The following ARMC2 variants were observed in gnomAD, a reference collection of about 807,000 sequenced individuals.
ARMC2 encodes armadillo repeat-containing protein 2.
Under a neutral mutation model 90.3 loss-of-function variants are expected in ARMC2, and 67 were observed. That is an observed-to-expected ratio of 0.74 (90% CI 0.61 to 0.91). ARMC2 has a LOEUF of 0.91. ARMC2 is among the 40% of genes least tolerant of loss of function. The pLI is 0.00. For missense variants in ARMC2, 920 were observed against 1,030.9 expected (o/e 0.89, Z 1.47); for synonymous variants, 393 against 393.0 (o/e 1.00, Z 0.00).
the ARMC2 span, among the ~76,000 whole-genome samples, chr6:109,014,006 C>CT: frequency 6.5e-3 from 932 of 143,388 alleles, 24 homozygotes; most frequent in East Asian, 0.097. Context: ...TTGCTCTATA[C>CT]TTTTTTTTTT....
rs533848489 is a variant in ARMC2 at position 108,889,763 on chromosome 6, AAGG to A, written c.672-4703_672-4701del. On this transcript the variant is annotated intron_variant, in intron 5 of 17. Transcript: ENST00000392644. ...CATGCCGGCCAACTTTTATTCTTTT[AAGG>A]CCCATTTTGTAGTCCACTTCTCCCA... Among the ~76,000 whole-genome samples, 145 of 151,658 alleles carry A rather than the reference AAGG, an allele frequency of 9.6e-4. 2 individuals carry two copies. The highest frequency in any genetic ancestry group is 3.3e-3 in the African/African-American group (137 of 41,200).
intron 8 of ARMC2, among the ~76,000 whole-genome samples, chr6:108,904,919 T>C (rs969034021): frequency 6.6e-6 from 1 of 152,092 alleles, no homozygotes; most frequent in Admixed American, 6.6e-5. Flanking sequence ...GGAAGGTACC[T>C]CAGTGGTCAT....
chr6:108,986,523 G>GTACT, the ARMC2 span: 4 of 152,754 alleles, frequency 2.6e-5, no homozygotes, highest in African/African-American at 9.6e-5. Flanking sequence ...AGAATACAAA[G>GTACT]TACTTAATAC....
At chr6:108,918,163 A>G (rs988583993) in intron 10 of ARMC2, among the ~76,000 whole-genome samples, 1 of 152,174 alleles carries the variant, frequency 6.6e-6, no homozygotes, top group Non-Finnish European at 1.5e-5. Flanking sequence ...GTAGAGAAAG[A>G]GCAGAGGGAC....
intron 7 of ARMC2, among the ~76,000 whole-genome samples, chr6:108,903,196 A>G (rs1031520285): frequency 6.6e-6 from 1 of 152,114 alleles, no homozygotes; most frequent in Non-Finnish European, 1.5e-5. Flanking sequence ...CTTTCCTCAC[A>G]AACATAATTA....
intron 12 of ARMC2, among the ~76,000 whole-genome samples, chr6:108,950,033 G>A (rs1027548878): frequency 9.9e-5 from 15 of 151,988 alleles, no homozygotes; most frequent in African/African-American, 2.9e-4. Context: ...TGGTGAAACC[G>A]CGTCTCTACT....
At chr6:108,853,976 TTCTC>T (rs1774269320) in intron 1 of ARMC2, among the ~76,000 whole-genome samples, 1 of 152,100 alleles carries the variant, frequency 6.6e-6, no homozygotes, top group Non-Finnish European at 1.5e-5. Flanking sequence ...TGATTAGTCT[TTCTC>T]TCTGGGTTTA....
chr6:108,917,133 T>G (rs940808111), intron 10 of ARMC2, among the ~76,000 whole-genome samples: 6 of 152,214 alleles, frequency 3.9e-5, no homozygotes, highest in African/African-American at 1.4e-4. Context: ...CAGTTGATTT[T>G]GAATTCAATC....
At chr6:108,919,456 G>A (rs573096638) in intron 10 of ARMC2, among the ~76,000 whole-genome samples, 6 of 152,214 alleles carry the variant, frequency 3.9e-5, no homozygotes, top group African/African-American at 1.4e-4. Context: ...GAAGTAAACT[G>A]CATACCTATA....
intron 13 of ARMC2, among the ~76,000 whole-genome samples, chr6:108,958,225 C>A (rs1777730530): frequency 6.6e-6 from 1 of 152,162 alleles, no homozygotes; most frequent in Admixed American, 6.5e-5. Flanking sequence ...TGATCTTGGA[C>A]TTCCAGCCTC....
intron 11 of ARMC2, among the ~76,000 whole-genome samples, 200 bp from the exon 12 acceptor site, chr6:108,936,700 T>G (rs1460232229): frequency 1.3e-5 from 2 of 152,198 alleles, no homozygotes; most frequent in Non-Finnish European, 2.9e-5. Flanking sequence ...CCTTTTAAAT[T>G]TTTCCGGATC....
the ARMC2 span, among the ~76,000 whole-genome samples, chr6:108,997,138 G>A: frequency 6.6e-6 from 1 of 152,146 alleles, no homozygotes; most frequent in Non-Finnish European, 1.5e-5. Flanking sequence ...CTGTCAAAGT[G>A]TCATCAGGGT....
chr6:108,894,379 TAAG>T (rs1165642439), intron 5 of ARMC2, 85 bp from the exon 6 acceptor site: 90 of 1,134,436 alleles, frequency 7.9e-5, no homozygotes, highest in Middle Eastern at 2.9e-4. Context: ...AAATAATAAA[TAAG>T]AAACTGTATA....
intron 12 of ARMC2, among the ~76,000 whole-genome samples, chr6:108,947,216 G>T (rs1394887695): frequency 6.6e-6 from 1 of 152,080 alleles, no homozygotes; most frequent in African/African-American, 2.4e-5. Context: ...TTGGTGAGGG[G>T]ATGAGATAGA....
chr6:108,960,364 C>G (rs1777904792), intron 13 of ARMC2, among the ~76,000 whole-genome samples: 1 of 152,220 alleles, frequency 6.6e-6, no homozygotes, highest in Non-Finnish European at 1.5e-5. Context: ...TCTTCTCATC[C>G]TCACACTGTG....
Position 108,904,127 on chromosome 6 carries a change from A to G in ARMC2, c.848-103A>G, listed in dbSNP as rs1043787929. 8.3e-6 allele frequency: 11 copies of G among 1,328,042 alleles called. No individual in the cohort carries two copies. In the African/African-American group the frequency reaches 1.6e-4, roughly 20 times the overall value. 82.3% of individuals were successfully genotyped at this position (1,328,042 alleles called of 1,614,324 possible). On this transcript the variant is annotated intron_variant, in intron 7 of 17. Transcript: ENST00000392644. ...AGAGGTCAGGAATTTGAAGATATCC[A>G]AGGAAATAATTATGGGGTTTTTACT... is the stretch of plus-strand genomic sequence containing the variant.
intron 10 of ARMC2, among the ~76,000 whole-genome samples, chr6:108,923,691 C>T (rs1026778578): frequency 6.6e-6 from 1 of 150,428 alleles, no homozygotes; most frequent in Non-Finnish European, 1.5e-5. Context: ...CCACCATCAT[C>T]CCACAGTGAG....
chr6:108,922,934 T>C (rs1263718237), intron 10 of ARMC2: 1 of 152,234 alleles, frequency 6.6e-6, no homozygotes, highest in Non-Finnish European at 1.5e-5. Context: ...CCTTTTGTCC[T>C]AAACATCACC....
At chr6:108,876,649 C>G (rs1304458543) in intron 5 of ARMC2, among the ~76,000 whole-genome samples, 2 of 152,168 alleles carry the variant, frequency 1.3e-5, no homozygotes, top group African/African-American at 2.4e-5. Context: ...GATGACTGAT[C>G]ATTCCGTTTG....
Sources: gnomAD v4.1 joint callset for allele counts (sites outside exome capture counted in the v4.1 genomes callset) on GRCh38, gnomAD v4.1.1 for gene constraint, MANE v1.5 for transcripts, NCBI Gene and HGNC (gene_info 2026-07-23, HGNC 2026-07-21) for gene names.